ARHGAP17: variants seen among roughly 807,000 people sequenced by gnomAD.
ARHGAP17 encodes Rho GTPase activating protein 17, also known as rho GTPase-activating protein 17.
In ARHGAP17, 57 loss-of-function variants were observed where a neutral mutation model predicts 99.5. The observed-to-expected ratio is 0.57, with a 90% CI of 0.46 to 0.71. ARHGAP17 has a LOEUF of 0.71. Among genes scored for constraint, ARHGAP17 ranks in the 30% least tolerant of loss-of-function variants. ARHGAP17 has a pLI of 0.00. For synonymous variants in ARHGAP17, 417 were observed against 429.6 expected (o/e 0.97, Z 0.36); for missense variants, 1,000 against 1,122.4 (o/e 0.89, Z 1.56).
Position 24,931,074 on chromosome 16 carries a change from G to A in ARHGAP17, c.2225C>T (p.Pro742Leu). 6.2e-7 allele frequency: 1 copy of A among 1,606,548 alleles called. No individual in the cohort carries two copies. The highest frequency in any genetic ancestry group is 8.5e-7 in the Non-Finnish European group (1 of 1,176,352). ...SQGPPNPMALPSEHGLEQPSH... is the reference protein window; with the variant it reads ...SQGPPNPMALLSEHGLEQPSH... ...TGGCTGCTCAAGTCCATGCTCACTG[G>A]GCAATGCCATGGGGTTGGGAGGGCC... The change falls in exon 19 of 20, where the codon CCC becomes CTC. Residue 742 changes from proline (P) to leucine (L), a missense_variant. Physicochemically the swap from Pro to Leu is moderately conservative, Grantham distance 98. Around this residue, in one of 2 missense-constraint regions of ARHGAP17, gnomAD observed 528 missense variants for 511.4 expected, o/e 1.03. Transcript: ENST00000289968.
At chr16:24,991,414 C>T (rs537454988) in intron 1 of ARHGAP17, among the ~76,000 whole-genome samples, 4 of 152,294 alleles carry the variant, frequency 2.6e-5, no homozygotes, top group South Asian at 2.1e-4. Context: ...AATGACCTTT[C>T]CAAATTTATC....
chr16:24,971,951 G>A (rs1363497314), intron 3 of ARHGAP17, among the ~76,000 whole-genome samples: 4 of 152,218 alleles, frequency 2.6e-5, no homozygotes, highest in African/African-American at 9.7e-5. Flanking sequence ...TATCTCAGGA[G>A]AGGCCTGGCA....
At chr16:24,980,730 C>T (rs1042963641) in intron 1 of ARHGAP17, among the ~76,000 whole-genome samples, 3 of 152,174 alleles carry the variant, frequency 2.0e-5, no homozygotes, top group Non-Finnish European at 4.4e-5. Context: ...CACCATTAGA[C>T]GCCCCCATTC....
intron 3 of ARHGAP17, among the ~76,000 whole-genome samples, chr16:24,975,442 G>A (rs1406558683): frequency 6.6e-6 from 1 of 152,224 alleles, no homozygotes; most frequent in Non-Finnish European, 1.5e-5. Flanking sequence ...AAGCAGAGCA[G>A]AAGAAGGCAA....
chr16:24,923,858 G>T (rs1477190486), intron 19 of ARHGAP17, among the ~76,000 whole-genome samples: 1 of 151,966 alleles, frequency 6.6e-6, no homozygotes, highest in Non-Finnish European at 1.5e-5. Flanking sequence ...GTTCCTTCCT[G>T]CACTGAGTAT....
chr16:24,935,750 G>C, intron 17 of ARHGAP17, 111 bp from the exon 18 acceptor site: 1 of 1,185,168 alleles, frequency 8.4e-7, no homozygotes, highest in African/African-American at 1.5e-5. Flanking sequence ...CGGCAGGCAG[G>C]AAAAGGATCT....
chr16:24,939,138 T>C (rs971914860), intron 17 of ARHGAP17, among the ~76,000 whole-genome samples: 4 of 152,200 alleles, frequency 2.6e-5, no homozygotes, highest in African/African-American at 4.8e-5. Context: ...ACCAAAGCAG[T>C]GTGGCAAAGA....
chr16:24,922,449 A>G (rs1190500568), intron 19 of ARHGAP17, among the ~76,000 whole-genome samples: 1 of 152,160 alleles, frequency 6.6e-6, no homozygotes, highest in Non-Finnish European at 1.5e-5. Flanking sequence ...TGATCCACAC[A>G]CATTATTAAT....
chr16:24,953,124 C>A, intron 10 of ARHGAP17, 82 bp from the exon 11 acceptor site: 1 of 1,268,754 alleles, frequency 7.9e-7, no homozygotes, highest in Non-Finnish European at 1.1e-6. Flanking sequence ...ATGGGTATTT[C>A]CTGACTTCCG....
At chr16:24,986,004 G>A (rs1338081087) in intron 1 of ARHGAP17, among the ~76,000 whole-genome samples, 2 of 152,126 alleles carry the variant, frequency 1.3e-5, no homozygotes, top group African/African-American at 4.8e-5. Context: ...CGAAAGCAAG[G>A]CAGCACCACC....
chr16:24,982,545 C>A (rs2052704245), intron 1 of ARHGAP17, among the ~76,000 whole-genome samples: 1 of 152,284 alleles, frequency 6.6e-6, no homozygotes, highest in East Asian at 1.9e-4. Context: ...CTCCCTCACA[C>A]AAAGATTCTT....
chr16:25,005,672 A>G (rs1233193866), intron 1 of ARHGAP17, among the ~76,000 whole-genome samples: 1 of 152,032 alleles, frequency 6.6e-6, no homozygotes. Flanking sequence ...ACTGATAACT[A>G]AACGTTAATT....
At chr16:24,983,554 CT>C (rs2052766772) in intron 1 of ARHGAP17, among the ~76,000 whole-genome samples, 1 of 152,204 alleles carries the variant, frequency 6.6e-6, no homozygotes, top group South Asian at 2.1e-4. Flanking sequence ...ATCCTCCCGC[CT>C]CCAACTCCCA....
intron 3 of ARHGAP17, among the ~76,000 whole-genome samples, chr16:24,971,454 C>A (rs1010333242): frequency 6.6e-6 from 1 of 151,990 alleles, no homozygotes; most frequent in African/African-American, 2.4e-5. Context: ...CTCAGCCTCC[C>A]CTGCTGTGAT....
At chr16:24,984,691 A>C (rs2052804237) in intron 1 of ARHGAP17, among the ~76,000 whole-genome samples, 1 of 152,098 alleles carries the variant, frequency 6.6e-6, no homozygotes, top group Non-Finnish European at 1.5e-5. Context: ...ACACTGAATG[A>C]ATGAATGGAT....
At chr16:25,004,069 G>A (rs1164266659) in intron 1 of ARHGAP17, among the ~76,000 whole-genome samples, 1 of 152,132 alleles carries the variant, frequency 6.6e-6, no homozygotes, top group Admixed American at 6.6e-5. Context: ...AACTCTTCAA[G>A]TGTTAGGTTT....
rs2052590577 is a variant in ARHGAP17, at chr16:24,978,803, T to G, written c.93+163A>C. Among the ~76,000 whole-genome samples, 3 of 117,730 alleles carry G rather than the reference T, an allele frequency of 2.5e-5. No individual in the cohort carries two copies. In the South Asian group the frequency reaches 7.9e-4, roughly 31 times the overall value. The allele number at this position is 117,730 out of a possible 152,430, so 77.2% of individuals were successfully genotyped here. ...GTTTCAGATCCCCTTTTCATCATCA[T>G]GCAACAAAACTGTTTTCTTTCCTGC... On this transcript the variant is annotated intron_variant, in intron 2 of 19. Coordinates refer to ENST00000289968, the MANE Select transcript of ARHGAP17 (RefSeq NM_001006634.3).
chr16:24,949,293 TG>T lies in ARHGAP17; in HGVS notation c.1127+110del. On this transcript the variant is annotated intron_variant, in intron 13 of 19. Coordinates refer to ENST00000289968, the MANE Select transcript of ARHGAP17 (RefSeq NM_001006634.3). The stretch of plus-strand genomic sequence containing the variant: ...CTCTCCAAAGTGATGTGGTTTTTTT[TG>T]TTGTTGTTGTTGTTTTTTAATGTGC... The T allele has an allele frequency of 6.8e-6, 5 of 732,462 alleles. No individual in the cohort carries two copies. The East Asian group carries it at 8.5e-5, about 12-fold the overall frequency. The allele number at this position is 732,462 out of a possible 1,614,324, so 45.4% of individuals were successfully genotyped here.
intron 1 of ARHGAP17, among the ~76,000 whole-genome samples, chr16:24,981,364 C>T (rs2052669330): frequency 6.6e-6 from 1 of 152,000 alleles, no homozygotes; most frequent in South Asian, 2.1e-4. Flanking sequence ...AACTAGTATG[C>T]TCAGCTGCAA....
Sources: allele counts gnomAD v4.1 joint callset (sites outside exome capture counted in the v4.1 genomes callset), GRCh38; gene constraint gnomAD v4.1.1; regional missense constraint gnomAD v4.1.1; transcripts MANE v1.5; gene names NCBI Gene and HGNC (gene_info 2026-07-23, HGNC 2026-07-21).